Variants in STX2 observed in about 807,000 individuals in gnomAD.
STX2 encodes the protein syntaxin 2.
A neutral mutation model predicts 40.6 loss-of-function variants in STX2; 27 were observed. That is an observed-to-expected ratio of 0.66 (90% CI 0.49 to 0.92). The LOEUF is 0.92. Among genes scored for constraint, STX2 ranks in the 40% least tolerant of loss-of-function variants. The pLI is 0.00. For missense variants in STX2, 328 were observed against 366.1 expected, an observed-to-expected ratio of 0.90 and a Z score of 0.85; for synonymous variants, 123 against 119.1, an observed-to-expected ratio of 1.03 and a Z score of -0.22.
At chr12:130,804,633 T>C (rs1951359276) in intron 6 of STX2, among the ~76,000 whole-genome samples, 1 of 152,154 alleles carries the variant, frequency 6.6e-6, no homozygotes, top group African/African-American at 2.4e-5. Flanking sequence ...CCCTAGCCAA[T>C]GTTTCCTTCG....
chr12:130,824,438 TA>T (rs1429490673), intron 2 of STX2, among the ~76,000 whole-genome samples: 2 of 152,108 alleles, frequency 1.3e-5, no homozygotes, highest in Non-Finnish European at 2.9e-5. Context: ...TGTTAGAAAG[TA>T]AAAGAAAAAA....
At chr12:130,793,454 A>ACGCAG (rs138809708) in intron 10 of STX2, among the ~76,000 whole-genome samples, 7,760 of 152,122 alleles carry the variant, frequency 0.051, 619 homozygotes, top group African/African-American at 0.17. Context: ...AGTCAGCTCC[A>ACGCAG]CGCAGCGTGC....
At chr12:130,802,731 A>G (rs1180364525) in intron 6 of STX2, among the ~76,000 whole-genome samples, 2 of 152,110 alleles carry the variant, frequency 1.3e-5, no homozygotes, top group Non-Finnish European at 1.5e-5. Context: ...CCTGGCCTCA[A>G]GCGATCCTTC....
chr12:130,815,259 C>T (rs1951816591), intron 3 of STX2, among the ~76,000 whole-genome samples: 1 of 152,106 alleles, frequency 6.6e-6, no homozygotes, highest in Admixed American at 6.5e-5. Context: ...TGGGGTATTT[C>T]CAGTCATCAT....
Position 130,791,831 on chromosome 12 carries a change from G to A in STX2, c.*192C>T. On this transcript the variant is annotated 3_prime_UTR_variant, in exon 11 of 11. Transcript: ENST00000392373. Reference sequence around the variant, plus strand: ...AGCGTCTGAGATTCATTCACGAAATGACAGGATGCTGATTTGGTTGCAGAT... The same window carrying A: ...AGCGTCTGAGATTCATTCACGAAATAACAGGATGCTGATTTGGTTGCAGAT... 7.4e-7 allele frequency: 1 copy of A among 1,349,154 alleles called. No individual in the cohort carries two copies. The highest frequency in any genetic ancestry group is 1.4e-5 in the African/African-American group (1 of 69,592). The allele number at this position is 1,349,154 out of a possible 1,614,324, so 83.6% of individuals were successfully genotyped here.
chr12:130,802,358 C>T (rs770599992), intron 6 of STX2, among the ~76,000 whole-genome samples: 11 of 152,132 alleles, frequency 7.2e-5, no homozygotes, highest in Admixed American at 2.6e-4. Flanking sequence ...TCACCACGCC[C>T]GGCTAATTTT....
chr12:130,794,061 C>A (rs908059940), intron 10 of STX2, among the ~76,000 whole-genome samples: 3 of 152,098 alleles, frequency 2.0e-5, no homozygotes, highest in African/African-American at 7.2e-5. Flanking sequence ...CAAGTAGTGC[C>A]CATGAAAAGT....
intron 6 of STX2, among the ~76,000 whole-genome samples, chr12:130,805,898 C>T (rs1951413853): frequency 6.6e-6 from 1 of 152,156 alleles, no homozygotes; most frequent in Non-Finnish European, 1.5e-5. Flanking sequence ...AATCAACCAA[C>T]CAGAGCAGAC....
Position 130,798,507 on chromosome 12 carries a change from C to A in STX2, c.786+18G>T, listed in dbSNP as rs757255580. 6.4e-6 allele frequency: 10 copies of A among 1,574,306 alleles called. No homozygotes were observed. The highest frequency in any genetic ancestry group is 1.4e-5 in the African/African-American group (1 of 72,282). On this transcript the variant is annotated intron_variant, in intron 9 of 10. Coordinates refer to ENST00000392373, the MANE Select transcript of STX2 (RefSeq NM_194356.4). ...ATGAAGAGAAAAACGCAGCTTAATT[C>A]TTCGAAGCCAAACTCACCCTTCTTG...
At chr12:130,813,757 A>G (rs963348193) in intron 3 of STX2, among the ~76,000 whole-genome samples, 7 of 150,052 alleles carry the variant, frequency 4.7e-5, no homozygotes, top group Admixed American at 2.0e-4. Flanking sequence ...CATGCCGCAC[A>G]CTCACATTTG....
intron 3 of STX2, among the ~76,000 whole-genome samples, chr12:130,816,289 A>G (rs538706312): frequency 7.9e-5 from 12 of 152,226 alleles, no homozygotes; most frequent in Admixed American, 6.5e-4. Context: ...AGTGGATGAG[A>G]GTCTCCCTCT....
chr12:130,821,424 C>T (rs749010577), intron 3 of STX2, among the ~76,000 whole-genome samples: 5 of 152,170 alleles, frequency 3.3e-5, no homozygotes, highest in Non-Finnish European at 7.4e-5. Context: ...TCTGTGAAGC[C>T]ACTTTCGTGT....
At chr12:130,831,458 A>G (rs1051761302) in intron 1 of STX2, among the ~76,000 whole-genome samples, 1 of 152,212 alleles carries the variant, frequency 6.6e-6, no homozygotes, top group Non-Finnish European at 1.5e-5. Flanking sequence ...TAAGCTCCAG[A>G]GTTTGAGACC....
chr12:130,801,500 G>A lies in STX2; in HGVS notation c.464-12C>T, dbSNP rs751744295. 14 of 1,592,574 alleles carry A rather than the reference G, an allele frequency of 8.8e-6. No individual in the cohort carries two copies. Among genetic ancestry groups the A allele is most frequent in the East Asian group, 2.2e-5 (1 of 44,592 alleles). On this transcript the variant is annotated splice_polypyrimidine_tract_variant and intron_variant, in intron 6 of 10. Transcript: ENST00000392373. ...GGTGGTTCTCCCAGCTGAAAGACCC[G>A]CAACCACAGCCCCACTCAGAATGCA...
chr12:130,801,600 A>AT (rs1195238699), intron 6 of STX2, 112 bp from the exon 7 acceptor site: 4 of 1,187,258 alleles, frequency 3.4e-6, no homozygotes, highest in Admixed American at 3.2e-5. Flanking sequence ...TTTTTCAGTA[A>AT]TTTTTTTAAC....
intron 3 of STX2, among the ~76,000 whole-genome samples, chr12:130,815,673 A>G (rs1224234892): frequency 1.3e-5 from 2 of 152,240 alleles, no homozygotes; most frequent in Admixed American, 6.5e-5. Context: ...GGAAAAGCAC[A>G]GGGAAGCCTG....
At chr12:130,821,408 C>G (rs1033039786) in intron 3 of STX2, among the ~76,000 whole-genome samples, 1 of 152,224 alleles carries the variant, frequency 6.6e-6, no homozygotes, top group Non-Finnish European at 1.5e-5. Context: ...ATCTTGGCCC[C>G]TAAGTTCTGT....
At position 130,791,992 on chromosome 12, in the gene STX2, A is replaced by G; in HGVS notation, c.*46-15T>C. Reference sequence around the variant, plus strand: ...AACATCAATTTCTGCAAGATAAAGAAAAACATTAATTTGCAATGTATCAAA... The same window carrying G: ...AACATCAATTTCTGCAAGATAAAGAGAAACATTAATTTGCAATGTATCAAA... On this transcript the variant is annotated splice_polypyrimidine_tract_variant and intron_variant, in intron 10 of 10. Transcript: ENST00000392373. 1 of 1,558,440 alleles carries G rather than the reference A, an allele frequency of 6.4e-7. No homozygotes were observed. The highest frequency in any genetic ancestry group is 8.8e-7 in the Non-Finnish European group (1 of 1,132,512).
rs561996066 is a variant in STX2, at chr12:130,807,832, G to A, written c.355-742C>T. ...TCACACTCACTATCCCAAAGGGACA[G>A]TTAAGCTTGGGAACTGAGTCATGCA... On this transcript the variant is annotated intron_variant, in intron 5 of 10. Transcript: ENST00000392373. 5.3e-5 allele frequency among the ~76,000 whole-genome samples: 8 copies of A among 152,316 alleles called. No homozygotes were observed. The South Asian group carries it at 1.7e-3, about 32-fold the overall frequency.
Sources: gnomAD v4.1 joint callset for allele counts (sites outside exome capture counted in the v4.1 genomes callset) on GRCh38, gnomAD v4.1.1 for gene constraint, MANE v1.5 for transcripts, NCBI Gene and HGNC (gene_info 2026-07-23, HGNC 2026-07-21) for gene names.